Variants in TDO2 observed in about 807,000 individuals in gnomAD.
TDO2 encodes tryptophan 2,3-dioxygenase, also known as tryptamin 2,3-dioxygenase.
TDO2 carries 63 observed loss-of-function variants against 61.2 expected under a neutral mutation model. The ratio of observed to expected loss-of-function variants is 1.03; its 90% CI spans 0.84 to 1.27. The LOEUF is 1.27. Ranked by LOEUF, TDO2 falls within the 50% of genes most tolerant of loss-of-function variation. The pLI is 0.00. For missense variants in TDO2, 494 were observed against 469.5 expected (o/e 1.05, Z -0.48); for synonymous variants, 183 against 164.0 (o/e 1.12, Z -0.89).
chr4:155,908,397 T>C (rs1375418317), intron 4 of TDO2, among the ~76,000 whole-genome samples: 2 of 150,820 alleles, frequency 1.3e-5, no homozygotes, highest in Non-Finnish European at 3.0e-5. Flanking sequence ...CCTCTACCTC[T>C]GAGCCCCTGC....
intron 4 of TDO2, among the ~76,000 whole-genome samples, chr4:155,908,532 C>T (rs778878300): frequency 1.2e-4 from 18 of 152,122 alleles, no homozygotes; most frequent in Non-Finnish European, 2.4e-4. Context: ...TAGATTGATC[C>T]ACATGTTGTT....
intron 1 of TDO2, 83 bp from the exon 2 acceptor site, chr4:155,903,935 A>C: frequency 6.7e-7 from 1 of 1,494,198 alleles, no homozygotes; most frequent in Non-Finnish European, 9.3e-7. Flanking sequence ...AAAATTTGCA[A>C]TGAGAATTTT....
chr4:155,908,436 T>G (rs1742758961), intron 4 of TDO2, among the ~76,000 whole-genome samples: 1 of 52,372 alleles, frequency 1.9e-5, no homozygotes, highest in Admixed American at 2.2e-4. Context: ...ACAGAGCACA[T>G]GGGACCCATA....
chr4:155,912,517 T>G (rs1579329025), intron 7 of TDO2, among the ~76,000 whole-genome samples: 1 of 152,142 alleles, frequency 6.6e-6, no homozygotes, highest in Non-Finnish European at 1.5e-5. Flanking sequence ...TCTTGAACAT[T>G]CTTTTCTCTT....
At chr4:155,905,995 C>A (rs17033777) in intron 3 of TDO2, 1 of 151,914 alleles carries the variant, frequency 6.6e-6, no homozygotes, top group Non-Finnish European at 1.5e-5. Context: ...TGGCTTATAC[C>A]GAGGCAATAT....
intron 9 of TDO2, 28 bp from the exon 10 acceptor site, chr4:155,917,367 T>G: frequency 6.4e-7 from 1 of 1,573,078 alleles, no homozygotes; most frequent in Non-Finnish European, 8.7e-7. Context: ...TTGAATATAT[T>G]CTTCTTTTTC....
At chr4:155,915,781 A>G (rs1253653567) in intron 8 of TDO2, 74 bp from the exon 9 acceptor site, 3 of 1,298,724 alleles carry the variant, frequency 2.3e-6, no homozygotes, top group South Asian at 1.4e-5. Context: ...AAATTTTTTA[A>G]GATGACGATG....
chr4:155,905,500 A>G (rs1387581225), intron 3 of TDO2: 1 of 202,450 alleles, frequency 4.9e-6, no homozygotes, highest in Non-Finnish European at 9.8e-6. Flanking sequence ...AGATCATTGA[A>G]ATTTATGCTG....
chr4:155,919,693 A>T, intron 11 of TDO2, 144 bp from the exon 12 acceptor site: 1 of 654,448 alleles, frequency 1.5e-6, no homozygotes, highest in Non-Finnish European at 2.4e-6. Context: ...TACCTAATTT[A>T]ATATATGATA....
intron 7 of TDO2, among the ~76,000 whole-genome samples, chr4:155,913,494 T>G (rs1742875340): frequency 6.6e-6 from 1 of 152,096 alleles, no homozygotes; most frequent in African/African-American, 2.4e-5. Flanking sequence ...CCTTATTACT[T>G]TAAGTTATGA....
At chr4:155,908,630 G>A (rs1397792523) in intron 4 of TDO2, among the ~76,000 whole-genome samples, 1 of 152,098 alleles carries the variant, frequency 6.6e-6, no homozygotes, top group Admixed American at 6.5e-5. Context: ...AATCAGTGGG[G>A]GGTTGTATTC....
rs145916793 is a variant in TDO2, at chr4:155,917,445, A to G, written c.947A>G (p.Asp316Gly). Residue 316 changes from aspartate to glycine, a missense_variant, in exon 10 of 12, where the codon GAC becomes GGC. By Grantham distance (94) the Asp-to-Gly change is moderately conservative. Transcript: ENST00000536354. ...VPFQLLTSLM[D>G]IDSLMTKWRY... is the part of the protein sequence containing the mutation. ...TTTCAGTTGCTGACTTCTCTTATGG[A>G]CATAGATTCACTGATGACCAAATGG... 1.2e-6 allele frequency: 2 copies of G among 1,611,294 alleles called. No individual in the cohort carries two copies. The highest frequency in any genetic ancestry group is 1.7e-6 in the Non-Finnish European group (2 of 1,178,956).
chr4:155,916,995 CAAAA>C lies in TDO2; in HGVS notation c.897-396_897-393del, dbSNP rs549116374. Among the ~76,000 whole-genome samples, 909 of 151,270 alleles carry C rather than the reference CAAAA, an allele frequency of 6.0e-3. 8 individuals carry two copies. The highest frequency in any genetic ancestry group is 0.021 in the African/African-American group (878 of 41,348). ...CAAAACAACAACAAAAAAAACAAAA[CAAAA>C]AAACAAATAGATGAAAAGAAATAAA... On this transcript the variant is annotated intron_variant, in intron 9 of 11. Transcript: ENST00000536354.
At chr4:155,915,788 G>A in intron 8 of TDO2, 67 bp from the exon 9 acceptor site, 1 of 1,367,730 alleles carries the variant, frequency 7.3e-7, no homozygotes, top group Non-Finnish European at 1.0e-6. Context: ...TTAAGATGAC[G>A]ATGCCAAATT....
At chr4:155,919,723 A>G in intron 11 of TDO2, 114 bp from the exon 12 acceptor site, 1 of 824,840 alleles carries the variant, frequency 1.2e-6, no homozygotes, top group Non-Finnish European at 1.8e-6. Flanking sequence ...TGCAATATAT[A>G]TTATAATATT....
At chr4:155,912,667 T>A (rs13435334) in intron 7 of TDO2, among the ~76,000 whole-genome samples, 1 of 152,224 alleles carries the variant, frequency 6.6e-6, no homozygotes, top group East Asian at 1.9e-4. Flanking sequence ...TTCTGTTCTA[T>A]CTCTATACTC....
chr4:155,914,569 T>C (rs1328290222), intron 8 of TDO2, 135 bp downstream of exon 8: 2 of 597,290 alleles, frequency 3.3e-6, no homozygotes, highest in African/African-American at 1.9e-5. Flanking sequence ...GAAACAAAAA[T>C]GGAGTAAATG....
intron 9 of TDO2, among the ~76,000 whole-genome samples, chr4:155,917,184 A>G: frequency 6.6e-6 from 1 of 152,190 alleles, no homozygotes; most frequent in East Asian, 1.9e-4. Context: ...GGACTTTTCT[A>G]GGCTTCAAAC....
intron 9 of TDO2, among the ~76,000 whole-genome samples, chr4:155,916,175 T>G (rs1211065590): frequency 1.4e-5 from 2 of 144,672 alleles, no homozygotes; most frequent in African/African-American, 5.1e-5. Context: ...TTTTTTTTTT[T>G]TTTTTTTTTT....
Sources: allele counts gnomAD v4.1 joint callset (sites outside exome capture counted in the v4.1 genomes callset), GRCh38; gene constraint gnomAD v4.1.1; transcripts MANE v1.5; gene names NCBI Gene and HGNC (gene_info 2026-07-23, HGNC 2026-07-21).